Variants in ZHX2 observed in about 807,000 individuals in gnomAD.
ZHX2 encodes the protein zinc fingers and homeoboxes protein 2.
In ZHX2, 6 loss-of-function variants were observed where a neutral mutation model predicts 21.9. That is an observed-to-expected ratio of 0.27 (90% confidence interval 0.15 to 0.54). The LOEUF is 0.54. Among genes scored for constraint, ZHX2 ranks in the 20% least tolerant of loss-of-function variants. The pLI, the probability that ZHX2 is intolerant of heterozygous loss-of-function variation, is 0.95. For synonymous variants in ZHX2, 434 were observed against 437.1 expected, an observed-to-expected ratio of 0.99 and a Z score of 0.09; for missense variants, 908 against 1,090.7, an observed-to-expected ratio of 0.83 and a Z score of 2.36.
At chr8:122,884,019 G>T (rs775112458) in intron 2 of ZHX2, among the ~76,000 whole-genome samples, 197 of 152,322 alleles carry the variant, frequency 1.3e-3, no homozygotes, top group Non-Finnish European at 2.2e-3. Context: ...CACAAACCTA[G>T]ATGGTATAGC....
intron 3 of ZHX2, among the ~76,000 whole-genome samples, chr8:122,960,702 G>A (rs954911732): frequency 1.1e-4 from 17 of 152,146 alleles, no homozygotes. Context: ...GCCATGGTGG[G>A]CATGACTTGC....
At chr8:122,864,046 A>C (rs1038532954) in intron 2 of ZHX2, among the ~76,000 whole-genome samples, 15 of 151,958 alleles carry the variant, frequency 9.9e-5, no homozygotes, top group African/African-American at 3.4e-4. Flanking sequence ...CTAACAGAAG[A>C]GCTATGCAAG....
rs1813199039 is a variant in ZHX2, at chr8:122,953,530, C to T, written c.2020C>T (p.Arg674Cys). The T allele has an allele frequency of 3.1e-6, 5 of 1,614,070 alleles. No individual in the cohort carries two copies. Among genetic ancestry groups the T allele is most frequent in the African/African-American group, 1.3e-5 (1 of 74,924 alleles). ...KTGLVRTEIV[R>C]WFKENRCLLK... ...TGGCCTGGTCCGAACTGAGATTGTG[C>T]GTTGGTTCAAGGAGAACAGATGCTT... The change falls in exon 3 of 4, where the codon CGT (arginine) becomes TGT (cysteine). Residue 674 changes from arginine (R) to cysteine (C), a missense_variant. This residue lies in a region of ZHX2 where 431 missense variants were observed against 428.6 expected (regional missense o/e 1.01). Coordinates refer to ENST00000314393, the MANE Select transcript of ZHX2 (RefSeq NM_014943.5). This position sits in a 1 kb window ranked among gnomAD's most constrained non-coding sequence, Gnocchi z 4.6.
At chr8:122,909,840 A>G (rs1320362657) in intron 2 of ZHX2, among the ~76,000 whole-genome samples, 2 of 152,160 alleles carry the variant, frequency 1.3e-5, no homozygotes, top group African/African-American at 4.8e-5. Context: ...AGCCAGGGCA[A>G]TCCTGGAAGG....
intron 2 of ZHX2, among the ~76,000 whole-genome samples, chr8:122,931,213 C>T (rs76438982): frequency 0.084 from 12,758 of 152,254 alleles, 779 homozygotes; most frequent in East Asian, 0.27. Flanking sequence ...AGGACACAGT[C>T]GTGCATGAGG....
intron 2 of ZHX2, among the ~76,000 whole-genome samples, chr8:122,871,956 A>G (rs1428683018): frequency 6.6e-6 from 1 of 152,148 alleles, no homozygotes; most frequent in Non-Finnish European, 1.5e-5. Context: ...TGTGTTCCTA[A>G]GGAGGAAGAA....
At chr8:122,781,227 C>T (rs911194187), upstream of ZHX2, among the ~76,000 whole-genome samples, 3 of 152,220 alleles carry the variant, frequency 2.0e-5, no homozygotes. This position sits in a 1 kb window ranked among gnomAD's most constrained non-coding sequence, Gnocchi z 4.6. Flanking sequence ...CAAGCGCGCC[C>T]TTCGGTCCCA....
At chr8:122,893,463 C>T (rs1272962989) in intron 2 of ZHX2, among the ~76,000 whole-genome samples, 8 of 152,118 alleles carry the variant, frequency 5.3e-5, no homozygotes, top group Non-Finnish European at 1.5e-5. Context: ...GAATATTTCA[C>T]TTTATAGTAT....
chr8:122,955,589 G>A (rs1813278993), intron 3 of ZHX2, among the ~76,000 whole-genome samples: 1 of 152,122 alleles, frequency 6.6e-6, no homozygotes, highest in South Asian at 2.1e-4. Context: ...ACTTTAACGA[G>A]CAGCCAATCC....
intron 3 of ZHX2, among the ~76,000 whole-genome samples, chr8:122,959,157 C>T (rs912399756): frequency 6.6e-6 from 1 of 152,214 alleles, no homozygotes; most frequent in Non-Finnish European, 1.5e-5. Context: ...CTCCAGCCAC[C>T]ACCTTCGCTG....
intron 1 of ZHX2, among the ~76,000 whole-genome samples, chr8:122,794,008 TG>T (rs1817572589): frequency 6.6e-6 from 1 of 152,244 alleles, no homozygotes; most frequent in South Asian, 2.1e-4. Flanking sequence ...ATCGTACATG[TG>T]GGTTGGTGCC....
intron 2 of ZHX2, among the ~76,000 whole-genome samples, chr8:122,950,366 T>C (rs976690167): frequency 1.3e-5 from 2 of 151,988 alleles, no homozygotes; most frequent in Non-Finnish European, 2.9e-5. Flanking sequence ...AAGTGGGAGT[T>C]GAACAATGAA....
rs1817965376 is a variant in ZHX2 at position 122,813,165 on chromosome 8, C to T, written c.-283+31219C>T. On this transcript the variant is annotated intron_variant, in intron 1 of 3. Coordinates refer to ENST00000314393, the MANE Select transcript of ZHX2 (RefSeq NM_014943.5). ...GAGCCAAGATCACGCCACTGTACTC[C>T]AGCCTGGGCAACAAGAGTGAAACTC... is the stretch of plus-strand genomic sequence containing the variant. Among the ~76,000 whole-genome samples the T allele has an allele frequency of 1.3e-5, 2 of 148,500 alleles. 1 individual carries two copies. The highest frequency in any genetic ancestry group is 4.2e-4 in the South Asian group (2 of 4,722).
chr8:122,934,599 G>GTTCC (rs1381878356), intron 2 of ZHX2, among the ~76,000 whole-genome samples: 12 of 150,716 alleles, frequency 8.0e-5, no homozygotes, highest in South Asian at 2.1e-4. Flanking sequence ...TGGGTGCAAA[G>GTTCC]TTCCTTCCTT....
chr8:122,803,691 G>A (rs1817762866), intron 1 of ZHX2, among the ~76,000 whole-genome samples: 1 of 152,180 alleles, frequency 6.6e-6, no homozygotes, highest in African/African-American at 2.4e-5. Context: ...TCTGTTTTGC[G>A]TTCTTCACAG....
chr8:122,973,884 T>G lies in ZHX2; in HGVS notation c.*647T>G, dbSNP rs575593136. 6.5e-6 allele frequency: 1 copy of G among 152,678 alleles called. No individual in the cohort carries two copies. The highest frequency in any genetic ancestry group is 1.9e-4 in the East Asian group (1 of 5,174). 9.5% of individuals were successfully genotyped at this position (152,678 alleles called of 1,614,324 possible). On this transcript the variant is annotated 3_prime_UTR_variant, in exon 4 of 4. Coordinates refer to ENST00000314393, the MANE Select transcript of ZHX2 (RefSeq NM_014943.5). The stretch of plus-strand genomic sequence containing the variant: ...CTTTCCAGTTCTTCCCCTGGCTGCC[T>G]TTTTGGGGGTCCCTGCCTTAGCCCC...
intron 2 of ZHX2, among the ~76,000 whole-genome samples, chr8:122,912,232 C>G (rs1163962452): frequency 6.6e-6 from 1 of 152,184 alleles, no homozygotes; most frequent in Non-Finnish European, 1.5e-5. Context: ...GAGAGTCAAC[C>G]CTGAAGGGCA....
intron 2 of ZHX2, among the ~76,000 whole-genome samples, chr8:122,894,323 C>G (rs1023260562): frequency 1.3e-5 from 2 of 152,230 alleles, no homozygotes; most frequent in African/African-American, 2.4e-5. Context: ...CCAGGTCACT[C>G]TGTATGAAAC....
intron 2 of ZHX2, among the ~76,000 whole-genome samples, chr8:122,906,646 C>T (rs1820353008): frequency 1.4e-5 from 2 of 147,230 alleles, no homozygotes; most frequent in South Asian, 2.2e-4. Flanking sequence ...ACTTTAAACA[C>T]TTCTGTATCA....
Sources: gnomAD v4.1 joint callset for allele counts (sites outside exome capture counted in the v4.1 genomes callset) on GRCh38, gnomAD v4.1.1 for gene constraint, gnomAD v4.1.1 regional missense constraint, Gnocchi (gnomAD v3.1) non-coding constraint, MANE v1.5 for transcripts, NCBI Gene and HGNC (gene_info 2026-07-23, HGNC 2026-07-21) for gene names.